Variants in FAM222B observed in about 807,000 individuals in gnomAD.
The protein encoded by FAM222B is family with sequence similarity 222 member B.
In FAM222B, 12 loss-of-function variants were observed where a neutral mutation model predicts 38.0. That is an observed-to-expected ratio of 0.32 (90% CI 0.20 to 0.51). The LOEUF is 0.51. FAM222B is among the 20% of genes least tolerant of loss of function. FAM222B has a pLI of 0.97. For missense variants in FAM222B, 716 were observed against 754.2 expected (o/e 0.95, Z 0.59); for synonymous variants, 329 against 317.2 (o/e 1.04, Z -0.40).
intron 1 of FAM222B, among the ~76,000 whole-genome samples, chr17:28,820,631 T>TA (rs1220271978): frequency 6.6e-6 from 1 of 150,538 alleles, no homozygotes; most frequent in Non-Finnish European, 1.5e-5. Context: ...GCAAAAATGG[T>TA]AAAACTTTTT....
At chr17:28,792,780 CAAAAAA>C (rs71135854) in intron 1 of FAM222B, among the ~76,000 whole-genome samples, 1 of 122,874 alleles carries the variant, frequency 8.1e-6, no homozygotes, top group Non-Finnish European at 1.6e-5. Flanking sequence ...GGCCCTATTT[CAAAAAA>C]AAAAAAAAAA....
chr17:28,795,793 T>C (rs1175274363), intron 1 of FAM222B, among the ~76,000 whole-genome samples: 1 of 152,126 alleles, frequency 6.6e-6, no homozygotes, highest in Non-Finnish European at 1.5e-5. Context: ...TAAAACGCAA[T>C]CAGAAAACCA....
chr17:28,842,283 C>T lies in FAM222B; in HGVS notation c.-41+399G>A, dbSNP rs949707289. ...CCCGACTCCCATCCTCTACCCAGAG[C>T]AGCCTATTACTCCGGGAGACCGACC... is the stretch of plus-strand genomic sequence containing the variant. On this transcript the variant is annotated intron_variant, in intron 1 of 2. Transcript: ENST00000581407. Among the ~76,000 whole-genome samples, 4 of 152,262 alleles carry T rather than the reference C, an allele frequency of 2.6e-5. No homozygotes were observed. In the South Asian group the frequency reaches 6.2e-4, roughly 24 times the overall value.
intron 1 of FAM222B, among the ~76,000 whole-genome samples, chr17:28,789,282 T>C (rs983669634): frequency 6.7e-6 from 1 of 150,360 alleles, no homozygotes; most frequent in African/African-American, 2.4e-5. Flanking sequence ...CATTGCAACC[T>C]CTACCTCCTG....
At chr17:28,811,953 C>T (rs1427770875) in intron 1 of FAM222B, among the ~76,000 whole-genome samples, 1 of 152,090 alleles carries the variant, frequency 6.6e-6, no homozygotes, top group East Asian at 1.9e-4. Context: ...CAAAAAAGGG[C>T]TCCTCTTTTC....
chr17:28,780,217 G>A (rs917763246), intron 1 of FAM222B, among the ~76,000 whole-genome samples: 1 of 151,850 alleles, frequency 6.6e-6, no homozygotes, highest in East Asian at 1.9e-4. Flanking sequence ...TGATCTATCC[G>A]CCTCAGCCCA....
intron 1 of FAM222B, among the ~76,000 whole-genome samples, chr17:28,809,538 C>T (rs2037646022): frequency 6.6e-6 from 1 of 152,172 alleles, no homozygotes; most frequent in Admixed American, 6.6e-5. Flanking sequence ...TTCCATGCCC[C>T]TTAAATGATA....
chr17:28,795,365 G>A (rs369091568), intron 1 of FAM222B, among the ~76,000 whole-genome samples: 80 of 152,202 alleles, frequency 5.3e-4, no homozygotes, highest in African/African-American at 1.8e-3. Flanking sequence ...GACTGGTCTC[G>A]AACTCCTGAC....
intron 1 of FAM222B, among the ~76,000 whole-genome samples, chr17:28,825,278 C>CA (rs1226207591): frequency 6.6e-6 from 1 of 150,986 alleles, no homozygotes; most frequent in Non-Finnish European, 1.5e-5. Context: ...ACCAAAAATA[C>CA]AAAAAAAATT....
chr17:28,823,586 T>A (rs1451256885), intron 1 of FAM222B, among the ~76,000 whole-genome samples: 1 of 152,148 alleles, frequency 6.6e-6, no homozygotes, highest in Non-Finnish European at 1.5e-5. Context: ...CTTACTATGT[T>A]ACCCAGGCTG....
At chr17:28,761,925 T>C (rs979805450) in intron 2 of FAM222B, 3 of 152,158 alleles carry the variant, frequency 2.0e-5, no homozygotes, top group African/African-American at 7.2e-5. Context: ...GCTTTAAACC[T>C]AGCCCACCTC....
intron 1 of FAM222B, among the ~76,000 whole-genome samples, chr17:28,807,781 G>C (rs942310865): frequency 2.8e-4 from 43 of 152,232 alleles, no homozygotes; most frequent in African/African-American, 1.0e-3. Context: ...CTAAACAAAA[G>C]GACCATCAAG....
intron 1 of FAM222B, among the ~76,000 whole-genome samples, chr17:28,785,419 C>G (rs767783560): frequency 9.9e-5 from 15 of 152,198 alleles, no homozygotes; most frequent in Non-Finnish European, 7.4e-5. Context: ...GGTTCCATAG[C>G]TGCCTCTCTA....
rs377460299 is a variant in FAM222B, at chr17:28,778,670, A to ATT, written c.-40-11965_-40-11964dup. Reference sequence around the variant, plus strand: ...AGGCGCATGTCATCATGCCTAGCTAATTTTTTTTTTGTGTGTGTGTGTGTG... The same window carrying ATT: ...AGGCGCATGTCATCATGCCTAGCTAATTTTTTTTTTTTGTGTGTGTGTGTGTG... On this transcript the variant is annotated intron_variant, in intron 1 of 2. Coordinates refer to ENST00000581407, the MANE Select transcript of FAM222B (RefSeq NM_001077498.3). Among the ~76,000 whole-genome samples the ATT allele has an allele frequency of 4.9e-3, 429 of 87,046 alleles. 12 individuals carry two copies. Among genetic ancestry groups the ATT allele is most frequent in the Middle Eastern group, 0.014 (2 of 138 alleles). The allele number at this position is 87,046 out of a possible 152,430, so 57.1% of individuals were successfully genotyped here. A position where few individuals can be genotyped will look rare whatever the true frequency, so the allele number is the denominator to read the frequency against.
In FAM222B at chr17:28,775,546, G is replaced by C. The variant is rs1261494271; in HGVS notation, c.-40-8839C>G. On this transcript the variant is annotated intron_variant, in intron 1 of 2. Transcript: ENST00000581407. Reference sequence around the variant, plus strand: ...GTGGCCAGCCCAGCTTCTGATTCATGCTGTGGCTCAAAAATGAAGTTTACA... The same window carrying C: ...GTGGCCAGCCCAGCTTCTGATTCATCCTGTGGCTCAAAAATGAAGTTTACA... 4.6e-5 allele frequency among the ~76,000 whole-genome samples: 7 copies of C among 151,496 alleles called. No homozygotes were observed. The East Asian group carries it at 1.4e-3, about 29-fold the overall frequency.
At chr17:28,844,260 T>C (rs1028041196), upstream of FAM222B, among the ~76,000 whole-genome samples, 2 of 152,102 alleles carry the variant, frequency 1.3e-5, no homozygotes, top group Admixed American at 1.3e-4. Context: ...ACTCCAGCGC[T>C]GGTCTCCTCT....
intron 1 of FAM222B, among the ~76,000 whole-genome samples, chr17:28,792,493 C>T (rs1356420744): frequency 1.3e-5 from 2 of 150,040 alleles, no homozygotes; most frequent in Admixed American, 6.6e-5. Flanking sequence ...AAAGAAGAAA[C>T]AAACAAGTTG....
chr17:28,804,484 G>C (rs561319979), intron 1 of FAM222B, among the ~76,000 whole-genome samples: 1 of 151,914 alleles, frequency 6.6e-6, no homozygotes, highest in African/African-American at 2.4e-5. Flanking sequence ...ACAGGCACGC[G>C]CCACCACGCC....
At chr17:28,770,888 A>C (rs892289897) in intron 1 of FAM222B, among the ~76,000 whole-genome samples, 2 of 152,034 alleles carry the variant, frequency 1.3e-5, no homozygotes, top group African/African-American at 4.8e-5. Context: ...TCCATTTTGA[A>C]TAGTACATTC....
Sources: gnomAD v4.1 joint callset for allele counts (sites outside exome capture counted in the v4.1 genomes callset) on GRCh38, gnomAD v4.1.1 for gene constraint, MANE v1.5 for transcripts, NCBI Gene and HGNC (gene_info 2026-07-23, HGNC 2026-07-21) for gene names.